The following PRELID2 variants were observed in gnomAD, a reference collection of about 807,000 sequenced individuals.
The protein encoded by PRELID2 is PRELI domain-containing protein 2.
A neutral mutation model predicts 28.4 loss-of-function variants in PRELID2; 25 were observed. That is an observed-to-expected ratio of 0.88 (90% CI 0.64 to 1.23). The LOEUF (loss-of-function observed/expected upper bound fraction) is 1.23, where lower values mean the gene tolerates loss of function less well. Ranked by LOEUF, PRELID2 falls within the 50% of genes most tolerant of loss-of-function variation. The pLI, the probability that PRELID2 is intolerant of heterozygous loss-of-function variation, is 0.00. For missense variants in PRELID2, 201 were observed against 214.4 expected (o/e 0.94, Z 0.39); for synonymous variants, 76 against 71.6 (o/e 1.06, Z -0.31).
chr5:145,523,426 G>A (rs570369146), intron 1 of PRELID2, among the ~76,000 whole-genome samples: 216 of 152,274 alleles, frequency 1.4e-3, no homozygotes, highest in African/African-American at 5.2e-3. Context: ...AGGAAGGGGA[G>A]AGTATTAGCT....
At chr5:145,313,026 T>A in the PRELID2 span, among the ~76,000 whole-genome samples, 338 of 152,040 alleles carry the variant, frequency 2.2e-3, 2 homozygotes, top group African/African-American at 7.8e-3. Flanking sequence ...GAAAAAAAAA[T>A]TCTAAAATTC....
intron 1 of PRELID2, among the ~76,000 whole-genome samples, chr5:145,502,930 C>T (rs1752372712): frequency 6.6e-6 from 1 of 151,362 alleles, no homozygotes; most frequent in Non-Finnish European, 1.5e-5. Context: ...AGGCTGACTA[C>T]TAGGATCCCA....
the PRELID2 span, among the ~76,000 whole-genome samples, chr5:145,243,264 G>A: frequency 6.6e-6 from 1 of 151,986 alleles, no homozygotes; most frequent in Non-Finnish European, 1.5e-5. Flanking sequence ...TTTGCCAAAT[G>A]TGCTTAGAAT....
At chr5:145,727,483 C>T (rs1477908620) in intron 1 of PRELID2, among the ~76,000 whole-genome samples, 2 of 152,188 alleles carry the variant, frequency 1.3e-5, no homozygotes, top group African/African-American at 4.8e-5. Flanking sequence ...CAATACTCAG[C>T]TTTCCTCTCA....
At chr5:145,331,008 T>C in the PRELID2 span, among the ~76,000 whole-genome samples, 9 of 152,200 alleles carry the variant, frequency 5.9e-5, no homozygotes, top group Non-Finnish European at 1.2e-4. Flanking sequence ...AGCTTATTTA[T>C]TTCTGCCTTA....
intron 1 of PRELID2, among the ~76,000 whole-genome samples, chr5:145,702,266 C>CT (rs1755427310): frequency 6.6e-6 from 1 of 152,118 alleles, no homozygotes; most frequent in Non-Finnish European, 1.5e-5. Context: ...AGCACCACTA[C>CT]TTTGCACAAA....
the PRELID2 span, among the ~76,000 whole-genome samples, chr5:145,408,374 T>A: frequency 2.1e-5 from 3 of 145,024 alleles, no homozygotes; most frequent in African/African-American, 5.1e-5. Flanking sequence ...CAGAGAAAGA[T>A]GAAAACCAAC....
chr5:145,801,609 A>G (rs1462053028), intron 4 of PRELID2, among the ~76,000 whole-genome samples: 1 of 152,092 alleles, frequency 6.6e-6, no homozygotes, highest in African/African-American at 2.4e-5. Context: ...TTTGAAAATT[A>G]TTTTCTCTCT....
chr5:145,697,611 A>G (rs1380761948), intron 1 of PRELID2, among the ~76,000 whole-genome samples: 1 of 152,174 alleles, frequency 6.6e-6, no homozygotes, highest in African/African-American at 2.4e-5. Context: ...AAAGCCTAAA[A>G]TATTTACTTT....
At chr5:145,514,701 C>T (rs1471035499) in intron 1 of PRELID2, among the ~76,000 whole-genome samples, 2 of 152,118 alleles carry the variant, frequency 1.3e-5, no homozygotes, top group African/African-American at 4.8e-5. Context: ...ATTCATTCTT[C>T]TCAGCATCAC....
chr5:145,514,944 T>C (rs562203408), intron 1 of PRELID2, among the ~76,000 whole-genome samples: 42 of 152,260 alleles, frequency 2.8e-4, no homozygotes, highest in Middle Eastern at 3.4e-3. Context: ...AATAAATAAG[T>C]TCTTTGAAAC....
At chr5:145,319,868 T>C in the PRELID2 span, among the ~76,000 whole-genome samples, 1 of 152,144 alleles carries the variant, frequency 6.6e-6, no homozygotes, top group African/African-American at 2.4e-5. Flanking sequence ...TCTCAACTTT[T>C]TACCAGAGCA....
chr5:145,697,455 C>T (rs1333501442), intron 1 of PRELID2, among the ~76,000 whole-genome samples: 3 of 152,108 alleles, frequency 2.0e-5, no homozygotes, highest in Non-Finnish European at 4.4e-5. Context: ...AAACTAACCA[C>T]CTATGGGCCA....
intron 1 of PRELID2, among the ~76,000 whole-genome samples, chr5:145,652,533 G>C (rs10062578): frequency 0.06 from 9,185 of 152,212 alleles, 921 homozygotes; most frequent in African/African-American, 0.21. Context: ...GGAAGCCCAT[G>C]AGACTAACAG....
chr5:145,528,652 T>C (rs182750337), intron 1 of PRELID2, among the ~76,000 whole-genome samples: 141 of 149,886 alleles, frequency 9.4e-4, no homozygotes, highest in African/African-American at 3.2e-3. Flanking sequence ...ACAATCAAAA[T>C]GCCATTCTGC....
At chr5:145,796,399 G>T in intron 5 of PRELID2, 43 bp downstream of exon 5, 1 of 1,367,000 alleles carries the variant, frequency 7.3e-7, no homozygotes, top group Non-Finnish European at 1.0e-6. Flanking sequence ...AACTCCTATT[G>T]TTTTTTAAAA....
chr5:145,528,518 A>T (rs1347713606), intron 1 of PRELID2, among the ~76,000 whole-genome samples: 4 of 151,674 alleles, frequency 2.6e-5, no homozygotes, highest in African/African-American at 7.3e-5. Flanking sequence ...ATGCAAAGGG[A>T]TTTTATATTC....
intron 1 of PRELID2, among the ~76,000 whole-genome samples, chr5:145,587,921 G>A (rs931366701): frequency 6.6e-6 from 1 of 152,150 alleles, no homozygotes; most frequent in African/African-American, 2.4e-5. Flanking sequence ...GAGTAAGAAG[G>A]AAAATTTCAT....
chr5:145,511,274 A>G (rs12657926), intron 1 of PRELID2, among the ~76,000 whole-genome samples: 31,340 of 152,184 alleles, frequency 0.21, 3,724 homozygotes, highest in South Asian at 0.37. Flanking sequence ...AAGGCCAAAG[A>G]GTTCAAATGT....
Sources: allele counts gnomAD v4.1 joint callset (sites outside exome capture counted in the v4.1 genomes callset), GRCh38; gene constraint gnomAD v4.1.1; transcripts MANE v1.5; gene names NCBI Gene and HGNC (gene_info 2026-07-23, HGNC 2026-07-21).